Variants in MAGI1 observed in about 807,000 individuals in gnomAD.
MAGI1 encodes the protein membrane associated guanylate kinase, WW and PDZ domain containing 1.
In MAGI1, 58 loss-of-function variants were observed where a neutral mutation model predicts 139.9. The ratio of observed to expected loss-of-function variants is 0.41; its 90% CI spans 0.34 to 0.52. The LOEUF (loss-of-function observed/expected upper bound fraction) is 0.52, where lower values mean the gene tolerates loss of function less well. Ranked by LOEUF, MAGI1 falls within the 20% of genes least tolerant of loss-of-function variation. MAGI1 has a pLI of 0.12. For missense variants in MAGI1, 1,874 were observed against 1,901.6 expected, an observed-to-expected ratio of 0.99 and a Z score of 0.27; for synonymous variants, 812 against 737.9, an observed-to-expected ratio of 1.10 and a Z score of -1.63.
chr3:66,016,109 A>G (rs1027807409), intron 1 of MAGI1, among the ~76,000 whole-genome samples: 1 of 152,194 alleles, frequency 6.6e-6, no homozygotes, highest in African/African-American at 2.4e-5. Flanking sequence ...TGAGTCAATT[A>G]CGAAGTCTAT....
chr3:66,009,558 CCT>C (rs910811724), intron 1 of MAGI1, among the ~76,000 whole-genome samples: 44 of 152,136 alleles, frequency 2.9e-4, no homozygotes, highest in Non-Finnish European at 5.3e-4. Context: ...TGGTTCTACC[CCT>C]GACTACCTAC....
intron 1 of MAGI1, among the ~76,000 whole-genome samples, chr3:65,851,435 T>G (rs942875667): frequency 2.6e-5 from 4 of 152,060 alleles, no homozygotes; most frequent in Admixed American, 2.6e-4. Context: ...GAGTGTAAGC[T>G]TGCAAACTAA....
At chr3:65,642,102 A>G (rs2085011486) in intron 1 of MAGI1, among the ~76,000 whole-genome samples, 1 of 152,208 alleles carries the variant, frequency 6.6e-6, no homozygotes, top group African/African-American at 2.4e-5. Context: ...CAACACATTT[A>G]GAAAGCACTG....
chr3:65,976,424 G>C (rs1178160899), intron 1 of MAGI1, among the ~76,000 whole-genome samples: 1 of 152,132 alleles, frequency 6.6e-6, no homozygotes, highest in East Asian at 1.9e-4. Flanking sequence ...GAGGACAAGA[G>C]TTCAAGACCA....
At chr3:65,697,363 A>C (rs1275016044) in intron 1 of MAGI1, among the ~76,000 whole-genome samples, 40 of 149,762 alleles carry the variant, frequency 2.7e-4, no homozygotes, top group Admixed American at 6.0e-4. Context: ...AATCCTCCCT[A>C]ACTCATTTTA....
chr3:65,950,106 A>AAAAAAAAAAAAAAAAAAAAAAAAAC (rs796698272), intron 1 of MAGI1, among the ~76,000 whole-genome samples: 2 of 84,204 alleles, frequency 2.4e-5, no homozygotes, highest in Non-Finnish European at 4.1e-5. Context: ...AAAAAAAAAA[A>AAAAAAAAAAAAAAAAAAAAAAAAAC]CAGAACTAGC....
intron 1 of MAGI1, among the ~76,000 whole-genome samples, chr3:65,990,188 G>A (rs11707011): frequency 0.019 from 2,877 of 152,168 alleles, 46 homozygotes; most frequent in Non-Finnish European, 0.031. Context: ...AAAGAAAGAG[G>A]TAATACAAGT....
intron 2 of MAGI1, among the ~76,000 whole-genome samples, chr3:65,504,095 C>G (rs1338475521): frequency 6.6e-6 from 1 of 152,160 alleles, no homozygotes; most frequent in Non-Finnish European, 1.5e-5. Context: ...AACAGCAGCT[C>G]AAGGAGCTGA....
chr3:65,409,536 G>C (rs1945612881), intron 12 of MAGI1, among the ~76,000 whole-genome samples: 1 of 152,100 alleles, frequency 6.6e-6, no homozygotes. Flanking sequence ...GCTGAAACCA[G>C]AGTACATTTT....
chr3:65,945,565 T>C (rs1318652366), intron 1 of MAGI1, among the ~76,000 whole-genome samples: 3 of 152,226 alleles, frequency 2.0e-5, no homozygotes, highest in East Asian at 3.9e-4. Context: ...GCTGTAACAA[T>C]AGCTGAGTCT....
chr3:66,031,545 A>T (rs764115993), intron 1 of MAGI1, among the ~76,000 whole-genome samples: 3 of 152,192 alleles, frequency 2.0e-5, no homozygotes, highest in Non-Finnish European at 4.4e-5. Flanking sequence ...GCCACTGGAA[A>T]CGATGGACAA....
At chr3:65,918,690 C>G (rs2062025797) in intron 1 of MAGI1, among the ~76,000 whole-genome samples, 1 of 152,046 alleles carries the variant, frequency 6.6e-6, no homozygotes, top group African/African-American at 2.4e-5. Context: ...CCACAACATT[C>G]TTAAACTGAT....
intron 1 of MAGI1, among the ~76,000 whole-genome samples, chr3:65,821,010 T>C (rs1020491383): frequency 1.3e-5 from 2 of 151,838 alleles, no homozygotes; most frequent in African/African-American, 4.8e-5. Flanking sequence ...TTGGGCCACA[T>C]GCTGACCCCA....
At chr3:65,638,310 A>C (rs926395465) in intron 1 of MAGI1, among the ~76,000 whole-genome samples, 1 of 152,190 alleles carries the variant, frequency 6.6e-6, no homozygotes, top group Non-Finnish European at 1.5e-5. Context: ...TATACCTTTC[A>C]TGAAATTCTA....
At chr3:65,791,412 T>C (rs766827071) in intron 1 of MAGI1, among the ~76,000 whole-genome samples, 11 of 152,182 alleles carry the variant, frequency 7.2e-5, no homozygotes, top group East Asian at 3.9e-4. Context: ...GATACCACGA[T>C]AGACATTCAA....
chr3:65,846,427 G>A (rs986781527), intron 1 of MAGI1, among the ~76,000 whole-genome samples: 3 of 152,184 alleles, frequency 2.0e-5, no homozygotes, highest in Non-Finnish European at 2.9e-5. Flanking sequence ...AGTGACCTTA[G>A]TAAGTTACTT....
intron 1 of MAGI1, among the ~76,000 whole-genome samples, chr3:65,897,685 C>A (rs551760323): frequency 6.6e-6 from 1 of 151,834 alleles, no homozygotes; most frequent in South Asian, 2.1e-4. Flanking sequence ...CAAAAAAGAA[C>A]CTGTCTCCAC....
rs1173086138 is a variant in MAGI1 at position 65,638,597 on chromosome 3, A to ATTTTTTTTTT, written c.314-16519_314-16510dup. Among the ~76,000 whole-genome samples, 6 of 41,012 alleles carry ATTTTTTTTTT rather than the reference A, an allele frequency of 1.5e-4. 1 individual carries two copies. Among genetic ancestry groups the ATTTTTTTTTT allele is most frequent in the African/African-American group, 2.6e-4 (3 of 11,756 alleles). The allele number at this position is 41,012 out of a possible 152,430, so 26.9% of individuals were successfully genotyped here. The stretch of plus-strand genomic sequence containing the variant: ...AGGAGTGCGCCACCATGCTCTCCTG[A>ATTTTTTTTTT]TTTTTTTTTTTTTTTTTTTTTTTTT... On this transcript the variant is annotated intron_variant, in intron 1 of 22. Transcript: ENST00000402939.
At position 65,381,935 on chromosome 3, in the gene MAGI1, T is replaced by C; in HGVS notation, c.2643A>G (p.Gln881=). 6.2e-7 allele frequency: 1 copy of C among 1,614,124 alleles called. No homozygotes were observed. The highest frequency in any genetic ancestry group is 8.5e-7 in the Non-Finnish European group (1 of 1,180,024). Residue 881 remains glutamine, a synonymous_variant, in exon 16 of 23, where the codon CAA becomes CAG. Transcript: ENST00000402939. ...KSHQLVVQLM[Q]QAAKQGHVNL... is the part of the protein sequence containing the mutation. The stretch of plus-strand genomic sequence containing the variant: ...TGACGTGGCCTTGCTTGGCAGCTTG[T>C]TGCATAAGCTGGACCACAAGCTGGT...
Sources: allele counts gnomAD v4.1 joint callset (sites outside exome capture counted in the v4.1 genomes callset), GRCh38; gene constraint gnomAD v4.1.1; transcripts MANE v1.5; gene names NCBI Gene and HGNC (gene_info 2026-07-23, HGNC 2026-07-21).